The following PRMT3 variants were observed in gnomAD, a reference collection of about 807,000 sequenced individuals.
PRMT3 encodes the protein protein arginine N-methyltransferase 3.
PRMT3 carries 62 observed loss-of-function variants against 71.9 expected under a neutral mutation model. That is an observed-to-expected ratio of 0.86 (90% CI 0.70 to 1.07). The LOEUF is 1.07. Ranked by LOEUF, PRMT3 falls within the 50% of genes least tolerant of loss-of-function variation. The pLI, the probability that PRMT3 is intolerant of heterozygous loss-of-function variation, is 0.00. For synonymous variants in PRMT3, 213 were observed against 220.4 expected (o/e 0.97, Z 0.30); for missense variants, 663 against 643.0 (o/e 1.03, Z -0.34).
intron 9 of PRMT3, among the ~76,000 whole-genome samples, chr11:20,425,688 T>C (rs1270269195): frequency 1.3e-5 from 2 of 152,176 alleles, no homozygotes; most frequent in Non-Finnish European, 2.9e-5. Flanking sequence ...TGAAACTCTG[T>C]CTGTAAAATG....
At chr11:20,431,255 G>T (rs988821331) in intron 10 of PRMT3, among the ~76,000 whole-genome samples, 11 of 152,080 alleles carry the variant, frequency 7.2e-5, no homozygotes, top group African/African-American at 2.4e-4. Flanking sequence ...ATATGACAGG[G>T]TTAAGAATGT....
At chr11:20,407,624 C>A in intron 8 of PRMT3, 2 of 211,244 alleles carry the variant, frequency 9.5e-6, no homozygotes, top group Non-Finnish European at 1.9e-5. Flanking sequence ...AACTTTATTT[C>A]TTCAGTGGAT....
chr11:20,501,951 T>G (rs1470253002), intron 15 of PRMT3, among the ~76,000 whole-genome samples: 2 of 152,206 alleles, frequency 1.3e-5, no homozygotes, highest in South Asian at 2.1e-4. Flanking sequence ...ATTTTTAAAC[T>G]CTAAGCTTTG....
rs142036289 is a variant in PRMT3 at position 20,462,133 on chromosome 11, C to A, written c.1226C>A (p.Pro409Gln). The change falls in exon 12 of 16, where the codon CCG becomes CAG. Residue 409 changes from proline to glutamine, a missense_variant. Transcript: ENST00000331079. ...GAAGCTGTTGTGGAAGTTTTAGATCCGAAGACTCTTATTTCAGAACCTTGT... is the reference window on the plus strand; with the variant it reads ...GAAGCTGTTGTGGAAGTTTTAGATCAGAAGACTCTTATTTCAGAACCTTGT... Reference protein sequence around the residue: ...IPEAVVEVLDPKTLISEPCGI... With the variant: ...IPEAVVEVLDQKTLISEPCGI... The A allele has an allele frequency of 1.9e-6, 3 of 1,611,130 alleles. No homozygotes were observed. In the African/African-American group the frequency reaches 4.0e-5, roughly 22 times the overall value.
chr11:20,476,531 A>G (rs1295385710), intron 13 of PRMT3, among the ~76,000 whole-genome samples: 1 of 152,214 alleles, frequency 6.6e-6, no homozygotes, highest in Non-Finnish European at 1.5e-5. Context: ...TTTTACGGCC[A>G]ACATTCCATG....
intron 13 of PRMT3, among the ~76,000 whole-genome samples, chr11:20,478,720 T>G (rs1385450375): frequency 6.6e-6 from 1 of 152,180 alleles, no homozygotes; most frequent in African/African-American, 2.4e-5. Flanking sequence ...AATACTCTGT[T>G]TTCATTTTAC....
At position 20,477,783 on chromosome 11, in the gene PRMT3, A is replaced by G. The variant is rs114450355; in HGVS notation, c.1347+13237A>G. 7.0e-3 allele frequency among the ~76,000 whole-genome samples: 1,041 copies of G among 148,892 alleles called. 16 individuals carry two copies. Among genetic ancestry groups the G allele is most frequent in the African/African-American group, 0.025 (987 of 40,178 alleles). The stretch of plus-strand genomic sequence containing the variant: ...AGATAGTGAACTGTGTGGCCACAGA[A>G]GGTTTTGGCTTAGGAGAAACCCCCC... On this transcript the variant is annotated intron_variant, in intron 13 of 15. Transcript: ENST00000331079.
chr11:20,471,967 T>A (rs1490298117), intron 13 of PRMT3, among the ~76,000 whole-genome samples: 1 of 152,124 alleles, frequency 6.6e-6, no homozygotes, highest in Non-Finnish European at 1.5e-5. Context: ...CAATTGTGAA[T>A]GGGAGCTCAT....
intron 7 of PRMT3, among the ~76,000 whole-genome samples, chr11:20,399,356 T>G (rs1355203128): frequency 1.3e-5 from 2 of 152,196 alleles, no homozygotes; most frequent in Non-Finnish European, 2.9e-5. Flanking sequence ...TTTTAAAACA[T>G]TGTCATGTCA....
chr11:20,469,334 C>A (rs191555657), intron 13 of PRMT3, among the ~76,000 whole-genome samples: 74 of 152,256 alleles, frequency 4.9e-4, no homozygotes, highest in Non-Finnish European at 9.3e-4. Flanking sequence ...GTGTAATATT[C>A]GCTTACTCTG....
At chr11:20,451,797 T>A (rs2133386847) in intron 10 of PRMT3, among the ~76,000 whole-genome samples, 1 of 152,238 alleles carries the variant, frequency 6.6e-6, no homozygotes, top group South Asian at 2.1e-4. Context: ...TAGATGGATA[T>A]TGCATCATTC....
At chr11:20,432,979 C>T (rs1323645125) in intron 10 of PRMT3, among the ~76,000 whole-genome samples, 3 of 152,050 alleles carry the variant, frequency 2.0e-5, no homozygotes, top group Non-Finnish European at 4.4e-5. Context: ...AATATTTTCT[C>T]CCATTCTGCA....
Position 20,433,416 on chromosome 11 carries a change from A to G in PRMT3, c.993+6551A>G, listed in dbSNP as rs574157077. On this transcript the variant is annotated intron_variant, in intron 10 of 15. Transcript: ENST00000331079. ...TTTTTTATGGCTGCAATAGTATTCT[A>G]TGGTGTATCTGTGACACCATTTTCT... Among the ~76,000 whole-genome samples the G allele has an allele frequency of 8.5e-5, 13 of 152,250 alleles. No individual in the cohort carries two copies. The East Asian group carries it at 1.2e-3, about 14-fold the overall frequency.
chr11:20,456,256 T>G (rs1278248078), intron 11 of PRMT3, among the ~76,000 whole-genome samples: 1 of 152,218 alleles, frequency 6.6e-6, no homozygotes, highest in African/African-American at 2.4e-5. Flanking sequence ...TACAGATGAC[T>G]CTTAAACATG....
intron 15 of PRMT3, among the ~76,000 whole-genome samples, chr11:20,507,777 TAAAA>T (rs572836588): frequency 4.7e-5 from 3 of 63,624 alleles, no homozygotes; most frequent in African/African-American, 8.6e-5. Flanking sequence ...GAGACTGTCT[TAAAA>T]AAAAAATTAA....
chr11:20,462,567 CTCAT>C (rs1448734263), intron 12 of PRMT3, among the ~76,000 whole-genome samples: 2 of 152,172 alleles, frequency 1.3e-5, no homozygotes, highest in Admixed American at 6.5e-5. Flanking sequence ...TTTAACTTCT[CTCAT>C]TCAGATTTCT....
intron 10 of PRMT3, among the ~76,000 whole-genome samples, chr11:20,442,923 A>T (rs191281246): frequency 1.0e-3 from 159 of 152,316 alleles, no homozygotes; most frequent in African/African-American, 3.6e-3. Flanking sequence ...AGGGCTGGGC[A>T]TGATGGCTTA....
chr11:20,497,631 C>G (rs1851362575), intron 15 of PRMT3, among the ~76,000 whole-genome samples: 1 of 152,100 alleles, frequency 6.6e-6, no homozygotes, highest in Non-Finnish European at 1.5e-5. Flanking sequence ...CATCAGAAAA[C>G]AAGCTCAAAA....
At chr11:20,428,301 G>T (rs1393854858) in intron 10 of PRMT3, among the ~76,000 whole-genome samples, 1 of 152,108 alleles carries the variant, frequency 6.6e-6, no homozygotes, top group Non-Finnish European at 1.5e-5. Context: ...AGTTTATGCT[G>T]TATATTTTAC....
Sources: allele counts gnomAD v4.1 joint callset (sites outside exome capture counted in the v4.1 genomes callset), GRCh38; gene constraint gnomAD v4.1.1; transcripts MANE v1.5; gene names NCBI Gene and HGNC (gene_info 2026-07-23, HGNC 2026-07-21).